The following C8B variants were observed in gnomAD, a reference collection of about 807,000 sequenced individuals.
C8B encodes complement C8 beta chain.
C8B carries 67 observed loss-of-function variants against 64.6 expected under a neutral mutation model. That is an observed-to-expected ratio of 1.04 (90% CI 0.85 to 1.27). C8B has a LOEUF of 1.27. Among genes scored for constraint, C8B ranks in the 50% most tolerant of loss-of-function variants. The pLI, the probability that C8B is intolerant of heterozygous loss-of-function variation, is 0.00. For missense variants in C8B, 790 were observed against 725.2 expected, an observed-to-expected ratio of 1.09 and a Z score of -1.03; for synonymous variants, 284 against 257.7, an observed-to-expected ratio of 1.10 and a Z score of -0.98.
chr1:56,959,528 C>T (rs1029989968), intron 2 of C8B: 73 of 1,457,814 alleles, frequency 5.0e-5, no homozygotes, highest in Non-Finnish European at 6.6e-5. Flanking sequence ...TGTCATCCTA[C>T]CTGAGAAAGC....
chr1:56,960,153 C>G lies in C8B; in HGVS notation c.116G>C (p.Gly39Ala). ...AAAGCTCTTGTTGACTGCATTTGAC[C>G]CAAAGGAATGTGGCCTTTCACCTCT... Reference protein sequence around the residue: ...GSRGERPHSFGSNAVNKSFAK... With the variant: ...GSRGERPHSFASNAVNKSFAK... Residue 39 changes from glycine to alanine, a missense_variant, in exon 2 of 12, where the codon GGG becomes GCG. Gly to Ala is a moderately conservative substitution (Grantham distance 60). Transcript: ENST00000371237. The G allele has an allele frequency of 6.2e-7, 1 of 1,614,040 alleles. No individual in the cohort carries two copies. The highest frequency in any genetic ancestry group is 8.5e-7 in the Non-Finnish European group (1 of 1,179,998).
chr1:56,931,988 T>C (rs577470733), intron 10 of C8B, 110 bp from the exon 11 acceptor site: 1 of 775,134 alleles, frequency 1.3e-6, no homozygotes, highest in South Asian at 1.4e-5. Flanking sequence ...AGAGCACATA[T>C]TTAGTTAAAT....
rs371789315 is a variant in C8B at position 56,929,558 on chromosome 1, T to C, written c.1622A>G (p.Asn541Ser). The change falls in exon 12 of 12, where the codon AAT becomes AGT. Residue 541 changes from asparagine to serine, a missense_variant and splice_region_variant. Physicochemically the swap from Asn to Ser is conservative, Grantham distance 46. Coordinates refer to ENST00000371237, the MANE Select transcript of C8B (RefSeq NM_000066.4). ...ATTCCACTTCCCATCAATGGGGGTA[T>C]CTATAAGAAAGAAGGTCAATAAGCA... Reference protein sequence around the residue: ...GLACEVSYRKNTPIDGKWNCW... With the variant: ...GLACEVSYRKSTPIDGKWNCW... 27 of 1,613,556 alleles carry C rather than the reference T, an allele frequency of 1.7e-5. No individual in the cohort carries two copies. The highest frequency in any genetic ancestry group is 2.1e-5 in the Non-Finnish European group (25 of 1,179,640).
intron 6 of C8B, among the ~76,000 whole-genome samples, chr1:56,947,751 G>A (rs1644962135): frequency 6.6e-6 from 1 of 151,804 alleles, no homozygotes; most frequent in Non-Finnish European, 1.5e-5. Flanking sequence ...TTAACATGGT[G>A]AAACCCCGTC....
chr1:56,949,968 T>C (rs1274241863), intron 5 of C8B, among the ~76,000 whole-genome samples: 1 of 151,886 alleles, frequency 6.6e-6, no homozygotes, highest in Admixed American at 6.6e-5. Flanking sequence ...AACTTAGAGG[T>C]TGGTTTTTGA....
chr1:56,940,757 G>A (rs1322579492), intron 9 of C8B, 92 bp downstream of exon 9: 6 of 1,449,196 alleles, frequency 4.1e-6, no homozygotes, highest in Non-Finnish European at 5.8e-6. Context: ...CTGGGTCTTA[G>A]TGATCTCTGC....
rs1306373344 is a variant in C8B at position 56,960,829 on chromosome 1, A to ATATGGGCTTGGATCTCAGGATGAG, written c.93-654_93-653insCTCATCCTGAGATCCAAGCCCATA. Reference sequence around the variant, plus strand: ...GCGGTGGGAAACACAGCAGAAAATAAATCTTGATGGGGAAGACTTGAGTTT... The same window carrying ATATGGGCTTGGATCTCAGGATGAG: ...GCGGTGGGAAACACAGCAGAAAATAATATGGGCTTGGATCTCAGGATGAGATCTTGATGGGGAAGACTTGAGTTT... On this transcript the variant is annotated intron_variant, in intron 1 of 11. Transcript: ENST00000371237. Among the ~76,000 whole-genome samples, 136 of 152,302 alleles carry ATATGGGCTTGGATCTCAGGATGAG rather than the reference A, an allele frequency of 8.9e-4. 1 individual carries two copies. Among genetic ancestry groups the ATATGGGCTTGGATCTCAGGATGAG allele is most frequent in the Non-Finnish European group, 1.2e-3 (84 of 68,014 alleles).
chr1:56,957,972 G>T (rs1645126222), intron 2 of C8B, among the ~76,000 whole-genome samples: 1 of 152,180 alleles, frequency 6.6e-6, no homozygotes, highest in African/African-American at 2.4e-5. Flanking sequence ...CGAGAGTGGG[G>T]CTCAGAAGAG....
At position 56,954,791 on chromosome 1, in the gene C8B, T is replaced by C. The variant is rs761727726; in HGVS notation, c.428A>G (p.Asp143Gly). ...CVNRRLLCNG[D>G]NDCGDQSDEA... ...ATCTGACTGGTCTCCACAGTCATTG[T>C]CCCCATTGCAAAGAAGTCTGCGGTT... The change falls in exon 4 of 12, where the codon GAC (aspartate) becomes GGC (glycine). Residue 143 changes from aspartate (D) to glycine (G), a missense_variant. Asp to Gly is a moderately conservative substitution (Grantham distance 94). Coordinates refer to ENST00000371237, the MANE Select transcript of C8B (RefSeq NM_000066.4). 1.2e-6 allele frequency: 2 copies of C among 1,614,068 alleles called. No individual in the cohort carries two copies. The highest frequency in any genetic ancestry group is 3.3e-5 in the Admixed American group (2 of 60,006).
rs1349458513 is a variant in C8B, at chr1:56,940,886, T to C, written c.1361A>G (p.Asp454Gly). The change falls in exon 9 of 12, where the codon GAC becomes GGC. Residue 454 changes from aspartate to glycine, a missense_variant. Physicochemically the swap from Asp to Gly is moderately conservative, Grantham distance 94. Transcript: ENST00000371237. The part of the protein sequence containing the change: ...PTADLMQEWG[D>G]AVQYNPAIIK... ...GATGGCTGGGTTGTACTGCACAGCG[T>C]CTCCCCACTCCTGCATCAGGTCCGC... 6.2e-7 allele frequency: 1 copy of C among 1,613,896 alleles called. No individual in the cohort carries two copies. Among genetic ancestry groups the C allele is most frequent in the Non-Finnish European group, 8.5e-7 (1 of 1,180,022 alleles).
At chr1:56,931,694 C>T in intron 11 of C8B, 116 bp downstream of exon 11, 1 of 701,272 alleles carries the variant, frequency 1.4e-6, no homozygotes, top group South Asian at 1.5e-5. Context: ...TGAGTTTAAG[C>T]AGGATGGATC....
Position 56,931,833 on chromosome 1 carries a change from G to A in C8B, c.1598C>T (p.Ala533Val). The change falls in exon 11 of 12, where the codon GCC becomes GTC. Residue 533 changes from alanine to valine, a missense_variant. By Grantham distance (64) the Ala-to-Val change is moderately conservative. Coordinates refer to ENST00000371237, the MANE Select transcript of C8B (RefSeq NM_000066.4). ...ACTCTTCCGATAGGAGACCTCACAG[G>A]CTAGGCCTTGGGATCCAACAGGACA... is the stretch of plus-strand genomic sequence containing the variant. ...CICPVGSQGL[A>V]CEVSYRKNTP... 1 of 1,611,856 alleles carries A rather than the reference G, an allele frequency of 6.2e-7. No homozygotes were observed. The highest frequency in any genetic ancestry group is 2.2e-5 in the East Asian group (1 of 44,834).
rs902726700 is a variant in C8B, at chr1:56,954,773, T to A, written c.446A>T (p.Gln149Leu). The A allele has an allele frequency of 5.1e-5, 82 of 1,614,202 alleles. No individual in the cohort carries two copies. The highest frequency in any genetic ancestry group is 6.9e-5 in the Non-Finnish European group (82 of 1,180,014). Reference protein sequence around the residue: ...LCNGDNDCGDQSDEANCRRIY... With the variant: ...LCNGDNDCGDLSDEANCRRIY... ...CCTTCTACAGTTTGCTTCATCTGAC[T>A]GGTCTCCACAGTCATTGTCCCCATT... Residue 149 changes from glutamine (Q) to leucine (L), a missense_variant, in exon 4 of 12, where the codon CAG becomes CTG. Coordinates refer to ENST00000371237, the MANE Select transcript of C8B (RefSeq NM_000066.4).
intron 2 of C8B, chr1:56,959,543 T>A (rs1186558197): frequency 6.6e-7 from 1 of 1,517,960 alleles, no homozygotes; most frequent in Non-Finnish European, 8.8e-7. Flanking sequence ...GAAAGCAGCA[T>A]GAAGAAACGC....
At chr1:56,960,922 T>C (rs142279597) in intron 1 of C8B, among the ~76,000 whole-genome samples, 181 of 152,274 alleles carry the variant, frequency 1.2e-3, no homozygotes, top group African/African-American at 4.2e-3. Flanking sequence ...AAATAGTTCC[T>C]ATATGGGCTT....
intron 6 of C8B, among the ~76,000 whole-genome samples, chr1:56,946,262 A>G (rs1364838227): frequency 1.3e-5 from 2 of 152,144 alleles, no homozygotes; most frequent in Non-Finnish European, 1.5e-5. Context: ...TCAGCTTGGA[A>G]GAGCTTGCTC....
rs759366974 is a variant in C8B at position 56,929,465 on chromosome 1, G to A, written c.1715C>T (p.Pro572Leu). ...KTRQRQCNNP[P>L]PQNGGSPCSG... ...ACAGGGGCTACCCCCATTTTGAGGAGGTGGATTGTTACACTGCCTTTGTCT... is the reference window on the plus strand; with the variant it reads ...ACAGGGGCTACCCCCATTTTGAGGAAGTGGATTGTTACACTGCCTTTGTCT... The change falls in exon 12 of 12, where the codon CCT becomes CTT. Residue 572 changes from proline (P) to leucine (L), a missense_variant. Transcript: ENST00000371237. 2.3e-5 allele frequency: 37 copies of A among 1,612,996 alleles called. No homozygotes were observed. The highest frequency in any genetic ancestry group is 3.0e-5 in the Non-Finnish European group (35 of 1,179,914).
rs142321498 is a variant in C8B at position 56,954,403 on chromosome 1, C to A, written c.533+283G>T. On this transcript the variant is annotated intron_variant, in intron 4 of 11. Transcript: ENST00000371237. ...TTAAAATAAAGGCTCCCCTCCCTACCCCAGCCCTTGCATAGCAGCCTGTGT... is the reference window on the plus strand; with the variant it reads ...TTAAAATAAAGGCTCCCCTCCCTACACCAGCCCTTGCATAGCAGCCTGTGT... Among the ~76,000 whole-genome samples, 345 of 152,316 alleles carry A rather than the reference C, an allele frequency of 2.3e-3. 1 individual carries two copies. The highest frequency in any genetic ancestry group is 0.01 in the Middle Eastern group (3 of 294).
chr1:56,965,821 T>A, intron 1 of C8B, 36 bp downstream of exon 1: 1 of 1,610,466 alleles, frequency 6.2e-7, no homozygotes, highest in Non-Finnish European at 8.5e-7. Flanking sequence ...CCCTGTCATA[T>A]TATTGATCAG....
Sources: allele counts gnomAD v4.1 joint callset (sites outside exome capture counted in the v4.1 genomes callset), GRCh38; gene constraint gnomAD v4.1.1; transcripts MANE v1.5; gene names NCBI Gene and HGNC (gene_info 2026-07-23, HGNC 2026-07-21).